Variants in ROBO2 observed in about 807,000 individuals in gnomAD.
The protein encoded by ROBO2 is roundabout homolog 2.
ROBO2 carries 53 observed loss-of-function variants against 160.8 expected under a neutral mutation model. The ratio of observed to expected loss-of-function variants is 0.33; its 90% CI spans 0.26 to 0.41. The LOEUF is 0.41. Ranked by LOEUF, ROBO2 falls within the 10% of genes least tolerant of loss-of-function variation. The pLI is 1.00. For synonymous variants in ROBO2, 664 were observed against 611.7 expected (o/e 1.09, Z -1.26); for missense variants, 1,577 against 1,722.4 (o/e 0.92, Z 1.49).
intron 2 of ROBO2, among the ~76,000 whole-genome samples, chr3:77,378,287 T>C (rs2072962666): frequency 6.6e-6 from 1 of 152,202 alleles, no homozygotes; most frequent in South Asian, 2.1e-4. Flanking sequence ...TGCCAGGTAC[T>C]ATTTTAAGAG....
intron 2 of ROBO2, among the ~76,000 whole-genome samples, chr3:76,568,598 G>A (rs543709622): frequency 6.6e-5 from 10 of 151,952 alleles, no homozygotes; most frequent in Non-Finnish European, 1.5e-4. Context: ...GAGCCACCGC[G>A]CCTGGCCACA....
At chr3:76,810,661 T>G (rs1055203913) in intron 2 of ROBO2, among the ~76,000 whole-genome samples, 2 of 152,158 alleles carry the variant, frequency 1.3e-5, no homozygotes, top group Admixed American at 1.3e-4. Context: ...TCAAGACTAC[T>G]GAATATTATC....
At chr3:77,369,371 G>T (rs554824628) in intron 2 of ROBO2, among the ~76,000 whole-genome samples, 1 of 152,290 alleles carries the variant, frequency 6.6e-6, no homozygotes, top group East Asian at 1.9e-4. Flanking sequence ...TCACAAAAAT[G>T]TGTACAGGGT....
chr3:76,762,102 A>G (rs1394432764), intron 2 of ROBO2, among the ~76,000 whole-genome samples: 1 of 151,536 alleles, frequency 6.6e-6, no homozygotes, highest in Non-Finnish European at 1.5e-5. Context: ...TCCTTATTAG[A>G]TTCTGAGATT....
chr3:77,560,082 AGGG>A, intron 9 of ROBO2, among the ~76,000 whole-genome samples: 1 of 152,134 alleles, frequency 6.6e-6, no homozygotes. Context: ...ACTGAATTAA[AGGG>A]TATGCTTGAG....
intron 2 of ROBO2, among the ~76,000 whole-genome samples, chr3:75,991,504 G>T (rs1231936155): frequency 1.3e-5 from 2 of 152,048 alleles, no homozygotes; most frequent in African/African-American, 4.8e-5. Context: ...TCTCCTCCTT[G>T]CCTTCCACCA....
At chr3:76,863,268 A>G (rs917265765) in intron 2 of ROBO2, among the ~76,000 whole-genome samples, 1 of 151,890 alleles carries the variant, frequency 6.6e-6, no homozygotes, top group Admixed American at 6.6e-5. Flanking sequence ...TCACTCCATC[A>G]ATCTGTTGAC....
At position 76,542,088 on chromosome 3, in the gene ROBO2, TC is replaced by T. The variant is rs1355030720; in HGVS notation, c.110-555925del. ...TTTGTCTTCTCAAAGGCTTCAGTGA[TC>T]ATTTTTTTTCTCTCTTGTAGTTTAG... is the stretch of plus-strand genomic sequence containing the variant. On this transcript the variant is annotated intron_variant, in intron 2 of 26. Transcript: ENST00000487694. Among the ~76,000 whole-genome samples, 24 of 152,286 alleles carry T rather than the reference TC, an allele frequency of 1.6e-4. 1 individual carries two copies. The highest frequency in any genetic ancestry group is 6.8e-3 in the Middle Eastern group (2 of 294).
chr3:77,106,067 G>A (rs2150137103), intron 2 of ROBO2, among the ~76,000 whole-genome samples: 1 of 152,174 alleles, frequency 6.6e-6, no homozygotes, highest in South Asian at 2.1e-4. Flanking sequence ...TTTTGAGATG[G>A]AGTCTGGCTC....
At chr3:77,327,619 G>T (rs1022621572) in intron 2 of ROBO2, among the ~76,000 whole-genome samples, 1 of 152,168 alleles carries the variant, frequency 6.6e-6, no homozygotes, top group Non-Finnish European at 1.5e-5. Flanking sequence ...AATAGGCAAA[G>T]AAGTTATGAC....
intron 2 of ROBO2, among the ~76,000 whole-genome samples, chr3:76,144,715 G>A (rs1188496078): frequency 3.9e-5 from 6 of 151,986 alleles, no homozygotes; most frequent in East Asian, 1.9e-4. Flanking sequence ...GAGTAGTCAC[G>A]TTTTCATTGT....
intron 2 of ROBO2, among the ~76,000 whole-genome samples, chr3:76,170,283 A>G (rs1481632439): frequency 6.6e-6 from 1 of 152,156 alleles, no homozygotes; most frequent in Non-Finnish European, 1.5e-5. Context: ...CCTTTGCTAT[A>G]TAGGCTTTTC....
intron 2 of ROBO2, among the ~76,000 whole-genome samples, chr3:76,063,136 A>T (rs1470877606): frequency 6.6e-6 from 1 of 152,158 alleles, no homozygotes; most frequent in East Asian, 1.9e-4. Flanking sequence ...ATGCAAGGTA[A>T]CACCAACTAT....
chr3:77,145,338 A>G (rs965382295), intron 2 of ROBO2, among the ~76,000 whole-genome samples: 23 of 152,196 alleles, frequency 1.5e-4, no homozygotes, highest in Admixed American at 1.2e-3. Flanking sequence ...GGCTCTAACA[A>G]TTATGGTTAA....
At chr3:76,208,047 G>C (rs374676420) in intron 2 of ROBO2, among the ~76,000 whole-genome samples, 8 of 152,278 alleles carry the variant, frequency 5.3e-5, no homozygotes, top group African/African-American at 1.9e-4. Flanking sequence ...TCCTGTTCCA[G>C]CCCTGTGAAC....
chr3:76,916,297 A>C (rs1388951852), intron 2 of ROBO2, among the ~76,000 whole-genome samples: 2 of 152,216 alleles, frequency 1.3e-5, no homozygotes, highest in Non-Finnish European at 2.9e-5. Flanking sequence ...CTGAGTGAAG[A>C]AAATGAAATT....
At chr3:75,953,235 A>G (rs1218030294) in intron 2 of ROBO2, among the ~76,000 whole-genome samples, 3 of 151,954 alleles carry the variant, frequency 2.0e-5, no homozygotes, top group Non-Finnish European at 2.9e-5. Flanking sequence ...TCTCAATAAA[A>G]GTTCCTGTTT....
At chr3:76,581,742 T>C (rs2085716141) in intron 2 of ROBO2, among the ~76,000 whole-genome samples, 1 of 152,134 alleles carries the variant, frequency 6.6e-6, no homozygotes, top group African/African-American at 2.4e-5. Flanking sequence ...AGTTTAATCT[T>C]AATTCATGCA....
At chr3:76,964,374 C>T (rs919407507) in intron 2 of ROBO2, among the ~76,000 whole-genome samples, 2 of 151,976 alleles carry the variant, frequency 1.3e-5, no homozygotes, top group Admixed American at 6.6e-5. Context: ...TGGAGTTTTT[C>T]TCTTGTTGCC....
Sources: allele counts gnomAD v4.1 joint callset (sites outside exome capture counted in the v4.1 genomes callset), GRCh38; gene constraint gnomAD v4.1.1; transcripts MANE v1.5; gene names NCBI Gene and HGNC (gene_info 2026-07-23, HGNC 2026-07-21).